Variants in KAT6B observed in about 807,000 individuals in gnomAD.
KAT6B encodes the protein histone acetyltransferase KAT6B.
In KAT6B, 10 loss-of-function variants were observed where a neutral mutation model predicts 187.5. That is an observed-to-expected ratio of 0.05 (90% confidence interval 0.03 to 0.09). The LOEUF (loss-of-function observed/expected upper bound fraction) is 0.09. Ranked by LOEUF, KAT6B falls within the 10% of genes least tolerant of loss-of-function variation. KAT6B has a pLI of 1.00. For missense variants in KAT6B, 1,952 were observed against 2,558.9 expected (o/e 0.76, Z 5.12); for synonymous variants, 861 against 926.8 (o/e 0.93, Z 1.29).
Position 74,940,675 on chromosome 10 carries a change from G to A in KAT6B, c.622-19295G>A, listed in dbSNP as rs539191625. Reference sequence around the variant, plus strand: ...AGCTCATTGTAACTTCAAAATTCTGGGCTTCAAGCAATCCTCCCACCTCAG... The same window carrying A: ...AGCTCATTGTAACTTCAAAATTCTGAGCTTCAAGCAATCCTCCCACCTCAG... On this transcript the variant is annotated intron_variant, in intron 3 of 17. Transcript: ENST00000287239. 2.6e-5 allele frequency among the ~76,000 whole-genome samples: 4 copies of A among 151,810 alleles called. No homozygotes were observed. In the East Asian group the frequency reaches 7.7e-4, roughly 29 times the overall value.
At chr10:74,986,364 A>G (rs1842809608) in intron 12 of KAT6B, among the ~76,000 whole-genome samples, 1 of 152,212 alleles carries the variant, frequency 6.6e-6, no homozygotes, top group Non-Finnish European at 1.5e-5. Context: ...AGAAGGTCCA[A>G]ACTCTCTTAT....
At chr10:74,865,402 T>C (rs1048126686) in intron 3 of KAT6B, among the ~76,000 whole-genome samples, 3 of 152,184 alleles carry the variant, frequency 2.0e-5, no homozygotes, top group African/African-American at 7.2e-5. Flanking sequence ...TTGAATTAAT[T>C]ATTTGGATTG....
chr10:74,826,334 C>A (rs1487733718), upstream of KAT6B, among the ~76,000 whole-genome samples: 1 of 152,024 alleles, frequency 6.6e-6, no homozygotes, highest in African/African-American at 2.4e-5. Context: ...AGAGGCGGAC[C>A]CAGCGGTCTG....
intron 3 of KAT6B, among the ~76,000 whole-genome samples, chr10:74,936,462 A>T (rs538424622): frequency 6.6e-6 from 1 of 152,006 alleles, no homozygotes; most frequent in African/African-American, 2.4e-5. Flanking sequence ...GCCAACAGGT[A>T]TTTTTAAAAA....
intron 3 of KAT6B, among the ~76,000 whole-genome samples, chr10:74,880,016 G>A (rs933772310): frequency 2.0e-5 from 3 of 152,040 alleles, no homozygotes; most frequent in Non-Finnish European, 4.4e-5. Context: ...TAGCCTGGGC[G>A]ACAGAGTGAG....
chr10:74,969,929 A>T, intron 5 of KAT6B, 91 bp from the exon 6 acceptor site: 1 of 1,048,760 alleles, frequency 9.5e-7, no homozygotes, highest in East Asian at 2.5e-5. Context: ...CTTTCCTTAT[A>T]TTGTATTAAT....
Position 75,020,638 on chromosome 10 carries a change from G to C in KAT6B, c.2686G>C (p.Asp896His). The C allele has an allele frequency of 6.2e-7, 1 of 1,614,194 alleles. No individual in the cohort carries two copies. The highest frequency in any genetic ancestry group is 8.5e-7 in the Non-Finnish European group (1 of 1,180,042). The change falls in exon 14 of 18, where the codon GAT becomes CAT. Residue 896 changes from aspartate (D) to histidine (H), a missense_variant. Asp to His is a moderately conservative substitution (Grantham distance 81, BLOSUM62 -1). This residue lies in a region of KAT6B where 758 missense variants were observed against 891.4 expected (regional missense o/e 0.85). Coordinates refer to ENST00000287239, the MANE Select transcript of KAT6B (RefSeq NM_012330.4). ...AGGGTCTCCTGAAAAGCCTCTCTCC[G>C]ATCTGGGCCGTCTCTCCTACCTGGC... ...QAGSPEKPLS[D>H]LGRLSYLAYW... is the part of the protein sequence containing the mutation.
At chr10:74,860,028 C>A (rs1324018157) in intron 3 of KAT6B, among the ~76,000 whole-genome samples, 8 of 152,126 alleles carry the variant, frequency 5.3e-5, no homozygotes, top group African/African-American at 1.7e-4. Flanking sequence ...ATTGAGAACA[C>A]TTTTTCAGTT....
At chr10:74,881,578 T>C (rs888890734) in intron 3 of KAT6B, among the ~76,000 whole-genome samples, 1 of 152,194 alleles carries the variant, frequency 6.6e-6, no homozygotes, top group African/African-American at 2.4e-5. Context: ...CTGAAAACAA[T>C]TGCATGTTGT....
chr10:74,829,390 A>G (rs1457379767), intron 1 of KAT6B, among the ~76,000 whole-genome samples: 1 of 152,182 alleles, frequency 6.6e-6, no homozygotes, highest in Non-Finnish European at 1.5e-5. Context: ...CTAGTTCTCT[A>G]CAGTGTACCC....
intron 3 of KAT6B, among the ~76,000 whole-genome samples, chr10:74,951,928 A>C (rs1427285948): frequency 6.6e-6 from 1 of 152,226 alleles, no homozygotes; most frequent in Non-Finnish European, 1.5e-5. Context: ...CAATAGATAC[A>C]CTTTTGAAGC....
intron 13 of KAT6B, among the ~76,000 whole-genome samples, chr10:75,006,924 C>T (rs769497467): frequency 6.6e-5 from 10 of 151,792 alleles, no homozygotes; most frequent in Admixed American, 1.3e-4. Context: ...AAAAATTATC[C>T]GGGTGTTGCG....
intron 3 of KAT6B, among the ~76,000 whole-genome samples, chr10:74,956,151 T>G (rs1178435271): frequency 6.6e-6 from 1 of 152,214 alleles, no homozygotes; most frequent in Admixed American, 6.5e-5. Flanking sequence ...TGCCCTTTTT[T>G]GGGTATTATA....
At chr10:75,008,897 C>T (rs1317194941) in intron 13 of KAT6B, among the ~76,000 whole-genome samples, 3 of 152,202 alleles carry the variant, frequency 2.0e-5, no homozygotes, top group Admixed American at 2.0e-4. Context: ...TTGACCTCAT[C>T]ACACATAATT....
At chr10:74,982,149 T>G (rs1293791647) in intron 11 of KAT6B, 7 of 512,984 alleles carry the variant, frequency 1.4e-5, no homozygotes, top group Admixed American at 6.4e-5. Context: ...CATTAACATT[T>G]TTGTCTTCCC....
chr10:74,928,857 T>C (rs1487450524), intron 3 of KAT6B, among the ~76,000 whole-genome samples: 3 of 152,208 alleles, frequency 2.0e-5, no homozygotes, highest in Non-Finnish European at 4.4e-5. Context: ...ATGACTTTGA[T>C]AAGTACAAGA....
At chr10:74,911,830 GTTA>G (rs956305886) in intron 3 of KAT6B, among the ~76,000 whole-genome samples, 43 of 151,884 alleles carry the variant, frequency 2.8e-4, no homozygotes, top group African/African-American at 9.2e-4. Context: ...ATTTATTTTT[GTTA>G]TTATTATTTT....
intron 3 of KAT6B, among the ~76,000 whole-genome samples, chr10:74,930,370 A>C (rs1848787833): frequency 6.6e-6 from 1 of 152,230 alleles, no homozygotes; most frequent in South Asian, 2.1e-4. Flanking sequence ...ATCTGTTTAA[A>C]TTCAGTGTTC....
chr10:74,865,201 T>G (rs1349698171), intron 3 of KAT6B, among the ~76,000 whole-genome samples: 2 of 152,194 alleles, frequency 1.3e-5, no homozygotes, highest in Non-Finnish European at 2.9e-5. Context: ...ATTTTGAACA[T>G]GTATCAGCTT....
Sources: gnomAD v4.1 joint callset for allele counts (sites outside exome capture counted in the v4.1 genomes callset) on GRCh38, gnomAD v4.1.1 for gene constraint, gnomAD v4.1.1 regional missense constraint, MANE v1.5 for transcripts, NCBI Gene and HGNC (gene_info 2026-07-23, HGNC 2026-07-21) for gene names.